The following HS3ST4 variants were observed in gnomAD, a reference collection of about 807,000 sequenced individuals.
HS3ST4 encodes heparan sulfate-glucosamine 3-sulfotransferase 4.
Under a neutral mutation model 29.2 loss-of-function variants are expected in HS3ST4, and 17 were observed. The observed-to-expected ratio is 0.58, with a 90% confidence interval of 0.40 to 0.87. HS3ST4 has a LOEUF of 0.87. Ranked by LOEUF, HS3ST4 falls within the 40% of genes least tolerant of loss-of-function variation. The pLI, the probability that HS3ST4 is intolerant of heterozygous loss-of-function variation, is 0.00. For missense variants in HS3ST4, 627 were observed against 634.5 expected (o/e 0.99, Z 0.13); for synonymous variants, 314 against 285.7 (o/e 1.10, Z -1.00).
At chr16:25,735,153 C>T (rs1966598741) in intron 1 of HS3ST4, among the ~76,000 whole-genome samples, 1 of 152,172 alleles carries the variant, frequency 6.6e-6, no homozygotes, top group Non-Finnish European at 1.5e-5. Flanking sequence ...GTCTACCTGC[C>T]TGAATGTGTA....
intron 1 of HS3ST4, among the ~76,000 whole-genome samples, chr16:25,961,594 A>G (rs1456057785): frequency 6.6e-6 from 1 of 152,198 alleles, no homozygotes; most frequent in Non-Finnish European, 1.5e-5. Context: ...TAATAACTAT[A>G]CAGAGTGGGT....
chr16:26,120,839 A>T (rs1899266005), intron 1 of HS3ST4, among the ~76,000 whole-genome samples: 1 of 152,236 alleles, frequency 6.6e-6, no homozygotes. Context: ...CATTTTAAGG[A>T]TGCACATGGG....
chr16:26,088,097 C>A (rs764135268), intron 1 of HS3ST4, among the ~76,000 whole-genome samples: 1 of 152,162 alleles, frequency 6.6e-6, no homozygotes, highest in African/African-American at 2.4e-5. Context: ...CAATTCCTGC[C>A]TCCACATTCT....
intron 1 of HS3ST4, among the ~76,000 whole-genome samples, chr16:26,077,552 A>G (rs562307757): frequency 6.6e-6 from 1 of 152,208 alleles, no homozygotes; most frequent in South Asian, 2.1e-4. Flanking sequence ...GACATGTTAC[A>G]CGTTTATTTG....
chr16:25,940,150 G>C (rs922506427), intron 1 of HS3ST4, among the ~76,000 whole-genome samples: 5 of 151,838 alleles, frequency 3.3e-5, no homozygotes, highest in Admixed American at 2.6e-4. Context: ...TGCCATCAGA[G>C]CCTGAACATA....
At chr16:25,730,551 C>A (rs1966564370) in intron 1 of HS3ST4, among the ~76,000 whole-genome samples, 1 of 142,986 alleles carries the variant, frequency 7.0e-6, no homozygotes, top group Admixed American at 7.1e-5. Context: ...TCCTTATCTC[C>A]CTCTGTTCCT....
At chr16:26,001,612 A>T (rs1969212209) in intron 1 of HS3ST4, among the ~76,000 whole-genome samples, 1 of 152,206 alleles carries the variant, frequency 6.6e-6, no homozygotes, top group African/African-American at 2.4e-5. Context: ...ACTGCAATTA[A>T]TATAAGTCGT....
chr16:25,909,758 T>G (rs1397479589), intron 1 of HS3ST4, among the ~76,000 whole-genome samples: 1 of 152,220 alleles, frequency 6.6e-6, no homozygotes, highest in Non-Finnish European at 1.5e-5. Context: ...TGTGCAAAAT[T>G]AGGCAAATTG....
chr16:25,930,461 C>T (rs1968451704), intron 1 of HS3ST4, among the ~76,000 whole-genome samples: 1 of 152,240 alleles, frequency 6.6e-6, no homozygotes, highest in African/African-American at 2.4e-5. Context: ...GAACTTTCTA[C>T]TTCCTCTTTC....
At chr16:25,693,718 C>T (rs1173980851) in intron 1 of HS3ST4, among the ~76,000 whole-genome samples, 1 of 152,200 alleles carries the variant, frequency 6.6e-6, no homozygotes, top group Non-Finnish European at 1.5e-5. Context: ...CCTCCCACCT[C>T]CGTAACTTTC....
rs1159374840 is a variant in HS3ST4, at chr16:25,926,158, A to G, written c.735-209454A>G. Among the ~76,000 whole-genome samples the G allele has an allele frequency of 2.0e-5, 3 of 152,316 alleles. No individual in the cohort carries two copies. The East Asian group carries it at 5.8e-4, about 29-fold the overall frequency. ...ACATCGTTGTGCAGCCATCACTACA[A>G]TCCAACTTAGAACATTACCTTCTCC... On this transcript the variant is annotated intron_variant, in intron 1 of 1. Coordinates refer to ENST00000331351, the MANE Select transcript of HS3ST4 (RefSeq NM_006040.3).
At chr16:25,970,548 T>G (rs1968886475) in intron 1 of HS3ST4, among the ~76,000 whole-genome samples, 1 of 152,120 alleles carries the variant, frequency 6.6e-6, no homozygotes, top group African/African-American at 2.4e-5. Flanking sequence ...CTAGCTCTGT[T>G]GCCCAGGCTG....
chr16:25,707,142 G>C (rs988660162), intron 1 of HS3ST4, among the ~76,000 whole-genome samples: 2 of 152,152 alleles, frequency 1.3e-5, no homozygotes, highest in Non-Finnish European at 2.9e-5. Context: ...TTATGTGTGA[G>C]TAACCTTTAC....
chr16:26,101,660 T>C (rs993009900), intron 1 of HS3ST4, among the ~76,000 whole-genome samples: 2 of 152,230 alleles, frequency 1.3e-5, no homozygotes, highest in African/African-American at 4.8e-5. Context: ...TATCTGGGTA[T>C]AAAAGTTCCT....
chr16:26,135,967 C>G lies in HS3ST4; in HGVS notation c.1090C>G (p.Pro364Ala). 6.2e-7 allele frequency: 1 copy of G among 1,613,942 alleles called. No homozygotes were observed. The highest frequency in any genetic ancestry group is 1.7e-5 in the Admixed American group (1 of 60,014). Residue 364 changes from proline (P) to alanine (A), a missense_variant, in exon 2 of 2, where the codon CCC becomes GCC. Physicochemically the swap from Pro to Ala is conservative, Grantham distance 27. Transcript: ENST00000331351. ...FVSGERLIVD[P>A]AGEMAKVQDF... ...CAGTGGTGAGCGACTCATTGTGGAC[C>G]CCGCCGGGGAAATGGCCAAAGTACA...
intron 1 of HS3ST4, among the ~76,000 whole-genome samples, chr16:25,848,301 G>C (rs1033362218): frequency 1.1e-4 from 17 of 152,034 alleles, no homozygotes; most frequent in Non-Finnish European, 2.9e-5. Flanking sequence ...ACCACGTCCG[G>C]CTAATTTTTT....
intron 1 of HS3ST4, among the ~76,000 whole-genome samples, chr16:25,760,772 A>G (rs1320059371): frequency 2.0e-5 from 3 of 152,194 alleles, no homozygotes; most frequent in Non-Finnish European, 2.9e-5. Context: ...GTCTCTAAAT[A>G]TAGTCACATT....
At chr16:26,124,731 G>A (rs1400684816) in intron 1 of HS3ST4, among the ~76,000 whole-genome samples, 1 of 152,172 alleles carries the variant, frequency 6.6e-6, no homozygotes, top group Non-Finnish European at 1.5e-5. Flanking sequence ...AGCTGTGGGG[G>A]CCTTCTATTA....
intron 1 of HS3ST4, among the ~76,000 whole-genome samples, chr16:25,930,956 T>C (rs1596617812): frequency 6.6e-6 from 1 of 152,220 alleles, no homozygotes; most frequent in South Asian, 2.1e-4. Context: ...GTGTTTTTTA[T>C]AGAGACGGGG....
Sources: allele counts gnomAD v4.1 joint callset (sites outside exome capture counted in the v4.1 genomes callset), GRCh38; gene constraint gnomAD v4.1.1; transcripts MANE v1.5; gene names NCBI Gene and HGNC (gene_info 2026-07-23, HGNC 2026-07-21).